TACR1: variants seen among roughly 807,000 people sequenced by gnomAD.
TACR1 encodes substance-P receptor.
A neutral mutation model predicts 35.8 loss-of-function variants in TACR1; 25 were observed. The observed-to-expected ratio is 0.70, with a 90% confidence interval of 0.51 to 0.98. The LOEUF is 0.98. Ranked by LOEUF, TACR1 falls within the 50% of genes least tolerant of loss-of-function variation. The pLI is 0.00. For synonymous variants in TACR1, 195 were observed against 206.7 expected (o/e 0.94, Z 0.48); for missense variants, 478 against 522.9 (o/e 0.91, Z 0.84).
intron 1 of TACR1, among the ~76,000 whole-genome samples, chr2:75,178,253 C>T (rs930619149): frequency 2.6e-5 from 4 of 151,510 alleles, no homozygotes; most frequent in East Asian, 1.9e-4. Context: ...GGTGTCATCT[C>T]GGCTCACTGC....
At chr2:75,147,394 C>G (rs1402629828) in intron 1 of TACR1, among the ~76,000 whole-genome samples, 13 of 152,188 alleles carry the variant, frequency 8.5e-5, no homozygotes, top group Non-Finnish European at 5.9e-5. Flanking sequence ...CTTTATCCAT[C>G]CCTATAAAGT....
intron 2 of TACR1, among the ~76,000 whole-genome samples, chr2:75,092,530 T>C (rs1572925322): frequency 6.6e-6 from 1 of 151,992 alleles, no homozygotes; most frequent in South Asian, 2.1e-4. Flanking sequence ...AAATGGGAAA[T>C]GGGGACATTG....
chr2:75,094,861 T>TATATATATATATATATATATATATA (rs1558551241), intron 2 of TACR1, among the ~76,000 whole-genome samples: 3 of 60,724 alleles, frequency 4.9e-5, no homozygotes, highest in Non-Finnish European at 9.4e-5. Flanking sequence ...ATATATATAT[T>TATATATATATATATATATATATATA]TTTTTTTTTT....
chr2:75,084,616 G>A (rs1220757882), intron 2 of TACR1, among the ~76,000 whole-genome samples: 4 of 152,170 alleles, frequency 2.6e-5, no homozygotes, highest in African/African-American at 9.7e-5. Flanking sequence ...CCTGTTATTG[G>A]TCTATTCAGA....
At chr2:75,172,776 C>G (rs1458674379) in intron 1 of TACR1, among the ~76,000 whole-genome samples, 1 of 152,088 alleles carries the variant, frequency 6.6e-6, no homozygotes, top group Non-Finnish European at 1.5e-5. Context: ...GTTTTGGAGG[C>G]TAGAAGTCCA....
rs1213517637 is a variant in TACR1 at position 75,198,538 on chromosome 2, A to G, written c.389+8T>C. 1 of 1,611,134 alleles carries G rather than the reference A, an allele frequency of 6.2e-7. No homozygotes were observed. The highest frequency in any genetic ancestry group is 8.5e-7 in the Non-Finnish European group (1 of 1,177,586). ...ACTTTCTCGCCTTTTCACAAAGGCT[A>G]ATCTCACCTATCAAAGGCCACAGCC... On this transcript the variant is annotated splice_region_variant and intron_variant, in intron 1 of 4. Transcript: ENST00000305249.
At chr2:75,155,808 G>C (rs1674835623) in intron 1 of TACR1, among the ~76,000 whole-genome samples, 1 of 152,236 alleles carries the variant, frequency 6.6e-6, no homozygotes, top group Admixed American at 6.5e-5. Flanking sequence ...GGAGTTATTA[G>C]AAGGTTATTG....
chr2:75,060,070 A>C (rs909211614), intron 2 of TACR1, among the ~76,000 whole-genome samples: 4 of 152,230 alleles, frequency 2.6e-5, no homozygotes, highest in Non-Finnish European at 5.9e-5. Context: ...GCAAAGATTT[A>C]TTCAGCACCT....
chr2:75,089,658 G>A (rs774058554), intron 2 of TACR1, among the ~76,000 whole-genome samples: 5 of 152,120 alleles, frequency 3.3e-5, no homozygotes, highest in African/African-American at 4.8e-5. Flanking sequence ...GAGATGTTTG[G>A]CCATGTGGAC....
intron 2 of TACR1, 44 bp downstream of exon 2, chr2:75,120,530 C>A: frequency 6.5e-7 from 1 of 1,530,706 alleles, no homozygotes; most frequent in Non-Finnish European, 8.8e-7. Context: ...AGGAAGGCAG[C>A]CTGCACCATC....
chr2:75,077,189 C>T (rs1254252715), intron 2 of TACR1, among the ~76,000 whole-genome samples: 3 of 152,132 alleles, frequency 2.0e-5, no homozygotes, highest in South Asian at 2.1e-4. Context: ...AGGCTGGTCT[C>T]GAATTCCTGA....
At chr2:75,180,400 A>G (rs1675534329) in intron 1 of TACR1, among the ~76,000 whole-genome samples, 3 of 152,116 alleles carry the variant, frequency 2.0e-5, no homozygotes, top group Admixed American at 6.5e-5. Flanking sequence ...GCCCTTTTCT[A>G]TGAGTGTTTG....
At chr2:75,084,321 C>T (rs1355705823) in intron 2 of TACR1, among the ~76,000 whole-genome samples, 6 of 152,076 alleles carry the variant, frequency 3.9e-5, no homozygotes, top group Admixed American at 1.3e-4. Context: ...CTGCTGGATT[C>T]GGTTTGCCAG....
chr2:75,131,103 T>G (rs2103929015), intron 1 of TACR1, among the ~76,000 whole-genome samples: 1 of 152,156 alleles, frequency 6.6e-6, no homozygotes, highest in Admixed American at 6.5e-5. Flanking sequence ...TTTTCTTTTT[T>G]TTTTTGAGAC....
intron 1 of TACR1, among the ~76,000 whole-genome samples, chr2:75,135,214 T>C (rs2103936777): frequency 6.6e-6 from 1 of 152,328 alleles, no homozygotes; most frequent in East Asian, 1.9e-4. Flanking sequence ...CTATTGCTCT[T>C]ACTTATTGCT....
intron 1 of TACR1, among the ~76,000 whole-genome samples, chr2:75,134,837 T>A (rs562580426): frequency 3.9e-5 from 6 of 152,186 alleles, no homozygotes; most frequent in African/African-American, 1.2e-4. Flanking sequence ...TTCTTCTTTC[T>A]ATTAAGCAGG....
chr2:75,145,216 T>A (rs911939269), intron 1 of TACR1, among the ~76,000 whole-genome samples: 1 of 152,108 alleles, frequency 6.6e-6, no homozygotes, highest in Admixed American at 6.5e-5. Context: ...TAATATAAGA[T>A]AGAAATAGAA....
At chr2:75,085,757 C>T (rs1276576348) in intron 2 of TACR1, among the ~76,000 whole-genome samples, 2 of 152,130 alleles carry the variant, frequency 1.3e-5, no homozygotes, top group East Asian at 1.9e-4. Flanking sequence ...ACCACTCTCC[C>T]TACTCTTCCC....
At chr2:75,130,959 G>T (rs767608579) in intron 1 of TACR1, among the ~76,000 whole-genome samples, 1 of 152,168 alleles carries the variant, frequency 6.6e-6, no homozygotes, top group East Asian at 1.9e-4. Flanking sequence ...ACAAAAGGTC[G>T]AGTAATAGCT....
Sources: allele counts gnomAD v4.1 joint callset (sites outside exome capture counted in the v4.1 genomes callset), GRCh38; gene constraint gnomAD v4.1.1; transcripts MANE v1.5; gene names NCBI Gene and HGNC (gene_info 2026-07-23, HGNC 2026-07-21).